ESRRG: variants seen among roughly 807,000 people sequenced by gnomAD.
ESRRG encodes estrogen-related receptor gamma.
Under a neutral mutation model 44.0 loss-of-function variants are expected in ESRRG, and 13 were observed. The observed-to-expected ratio is 0.30, with a 90% CI of 0.19 to 0.47. The LOEUF (loss-of-function observed/expected upper bound fraction) is 0.47. ESRRG is among the 20% of genes least tolerant of loss of function. The pLI, the probability that ESRRG is intolerant of heterozygous loss-of-function variation, is 1.00. For missense variants in ESRRG, 395 were observed against 580.6 expected (o/e 0.68, Z 3.29); for synonymous variants, 215 against 214.6 (o/e 1.00, Z -0.02).
intron 2 of ESRRG, among the ~76,000 whole-genome samples, chr1:216,774,795 C>CTTTTTTTTTTT (rs1178221974): frequency 5.0e-5 from 2 of 40,190 alleles, no homozygotes; most frequent in African/African-American, 2.8e-4. Context: ...TGAATAATTT[C>CTTTTTTTTTTT]TTCTTTTTTT....
At chr1:216,951,484 G>T (rs2066936875) in intron 1 of ESRRG, among the ~76,000 whole-genome samples, 1 of 151,904 alleles carries the variant, frequency 6.6e-6, no homozygotes, top group African/African-American at 2.4e-5. Flanking sequence ...TTAGCTTATT[G>T]ATCTTACGGG....
intron 1 of ESRRG, among the ~76,000 whole-genome samples, chr1:217,004,130 C>A (rs181140442): frequency 6.6e-6 from 1 of 152,022 alleles, no homozygotes; most frequent in Non-Finnish European, 1.5e-5. Context: ...ATTTCTACAA[C>A]GTAAAATTGA....
intron 1 of ESRRG, among the ~76,000 whole-genome samples, chr1:216,946,610 A>G (rs1490881559): frequency 6.6e-6 from 1 of 152,184 alleles, no homozygotes; most frequent in African/African-American, 2.4e-5. Context: ...TCTACTAATA[A>G]TGTCGATTAA....
At chr1:217,133,233 C>A (rs1290397192) in intron 1 of ESRRG, among the ~76,000 whole-genome samples, 4 of 152,230 alleles carry the variant, frequency 2.6e-5, no homozygotes, top group African/African-American at 9.6e-5. Context: ...CGGAAGCTCC[C>A]GAATTTTAAG....
At chr1:216,655,507 C>T (rs72737364) in intron 2 of ESRRG, among the ~76,000 whole-genome samples, 31,580 of 152,060 alleles carry the variant, frequency 0.21, 4,204 homozygotes, top group Non-Finnish European at 0.3. Context: ...CTTCCCAGAG[C>T]GACAGCAAAT....
At chr1:216,552,207 C>CTA (rs914296531) in intron 5 of ESRRG, among the ~76,000 whole-genome samples, 2 of 151,638 alleles carry the variant, frequency 1.3e-5, no homozygotes, top group African/African-American at 2.4e-5. Context: ...TCATGTATAT[C>CTA]TATATATATA....
At chr1:217,073,839 C>T (rs918945560) in intron 1 of ESRRG, among the ~76,000 whole-genome samples, 3 of 151,548 alleles carry the variant, frequency 2.0e-5, no homozygotes, top group Non-Finnish European at 2.9e-5. Context: ...GGGAGGGACA[C>T]GAGAGAAGAA....
intron 2 of ESRRG, among the ~76,000 whole-genome samples, chr1:216,855,385 G>C (rs2095912937): frequency 6.6e-6 from 1 of 151,852 alleles, no homozygotes; most frequent in Non-Finnish European, 1.5e-5. Context: ...TGGGATAAGA[G>C]CTTTCTGTGA....
intron 2 of ESRRG, among the ~76,000 whole-genome samples, chr1:216,898,680 G>C (rs2058711129): frequency 6.7e-6 from 1 of 148,584 alleles, no homozygotes; most frequent in South Asian, 2.1e-4. Context: ...TTGGCCAAGA[G>C]GTAGTCACAG....
chr1:216,861,831 T>C (rs2096059814), intron 2 of ESRRG, among the ~76,000 whole-genome samples: 1 of 152,008 alleles, frequency 6.6e-6, no homozygotes, highest in Non-Finnish European at 1.5e-5. Flanking sequence ...CAGAAGGAAC[T>C]ATCAAAACTC....
chr1:217,008,030 T>A (rs1322140967), intron 1 of ESRRG, among the ~76,000 whole-genome samples: 1 of 152,224 alleles, frequency 6.6e-6, no homozygotes, highest in Non-Finnish European at 1.5e-5. Context: ...TTACATTTCA[T>A]CTGCTATGCT....
At position 217,022,774 on chromosome 1, in the gene ESRRG, A is replaced by G. The variant is rs2080551966; in HGVS notation, c.-106+66733T>C. Reference sequence around the variant, plus strand: ...TTTGGCATCCCCCACATCTGGAGCAACACCTGTCCATTGTAGGCACTCAAG... The same window carrying G: ...TTTGGCATCCCCCACATCTGGAGCAGCACCTGTCCATTGTAGGCACTCAAG... On this transcript the variant is annotated intron_variant, in intron 1 of 7. Transcript: ENST00000359162. 1.3e-5 allele frequency among the ~76,000 whole-genome samples: 2 copies of G among 152,136 alleles called. 1 individual carries two copies. Among genetic ancestry groups the G allele is most frequent in the South Asian group, 4.1e-4 (2 of 4,832 alleles).
At chr1:216,552,642 G>A (rs1235655481) in intron 5 of ESRRG, among the ~76,000 whole-genome samples, 1 of 152,132 alleles carries the variant, frequency 6.6e-6, no homozygotes, top group Non-Finnish European at 1.5e-5. Context: ...AGATTTGAAT[G>A]AGGGTCTCTA....
intron 6 of ESRRG, among the ~76,000 whole-genome samples, chr1:216,517,989 A>G (rs2044864517): frequency 1.3e-5 from 2 of 152,296 alleles, no homozygotes; most frequent in Non-Finnish European, 2.9e-5. Context: ...AATATTGTAG[A>G]TGAACTGTTA....
chr1:217,123,327 A>G (rs990632971), intron 1 of ESRRG, among the ~76,000 whole-genome samples: 1 of 152,132 alleles, frequency 6.6e-6, no homozygotes, highest in African/African-American at 2.4e-5. Context: ...CACTTGTATT[A>G]TGTCCCAAAT....
At chr1:216,830,652 C>T (rs76466168) in intron 2 of ESRRG, among the ~76,000 whole-genome samples, 18,263 of 151,974 alleles carry the variant, frequency 0.12, 1,509 homozygotes, top group Non-Finnish European at 0.18. Context: ...TTTTTTCACC[C>T]GCTAGATTTG....
intron 1 of ESRRG, among the ~76,000 whole-genome samples, chr1:216,697,664 T>C (rs868793151): frequency 8.5e-5 from 13 of 152,174 alleles, no homozygotes; most frequent in Admixed American, 5.2e-4. Flanking sequence ...ATGCTAAGAA[T>C]TAAGGTTGTG....
intron 5 of ESRRG, among the ~76,000 whole-genome samples, chr1:216,534,646 C>A (rs1002990766): frequency 6.6e-6 from 1 of 152,180 alleles, no homozygotes; most frequent in African/African-American, 2.4e-5. Flanking sequence ...AGCCGAATAA[C>A]TGATGCAACT....
chr1:216,759,436 C>T (rs889145482), intron 2 of ESRRG, among the ~76,000 whole-genome samples: 1 of 152,092 alleles, frequency 6.6e-6, no homozygotes, highest in African/African-American at 2.4e-5. Flanking sequence ...CTCCTCCACC[C>T]ACCACATGGT....
Sources: gnomAD v4.1 joint callset for allele counts (sites outside exome capture counted in the v4.1 genomes callset) on GRCh38, gnomAD v4.1.1 for gene constraint, MANE v1.5 for transcripts, NCBI Gene and HGNC (gene_info 2026-07-23, HGNC 2026-07-21) for gene names.